The following CDH18 variants were observed in gnomAD, a reference collection of about 807,000 sequenced individuals.
The protein encoded by CDH18 is cadherin-18.
In CDH18, 31 loss-of-function variants were observed where a neutral mutation model predicts 67.9. The ratio of observed to expected loss-of-function variants is 0.46; its 90% CI spans 0.34 to 0.62. CDH18 has a LOEUF of 0.62. Ranked by LOEUF, CDH18 falls within the 20% of genes least tolerant of loss-of-function variation. The pLI, the probability that CDH18 is intolerant of heterozygous loss-of-function variation, is 0.01. For synonymous variants in CDH18, 362 were observed against 347.2 expected (o/e 1.04, Z -0.48); for missense variants, 890 against 975.5 (o/e 0.91, Z 1.17).
chr5:20,049,350 C>A (rs1741206363), intron 2 of CDH18, among the ~76,000 whole-genome samples: 1 of 151,412 alleles, frequency 6.6e-6, no homozygotes, highest in Non-Finnish European at 1.5e-5. Context: ...TGGAGCCTAC[C>A]AGAAGGTGGA....
intron 1 of CDH18, among the ~76,000 whole-genome samples, chr5:20,435,092 G>T (rs189645417): frequency 8.5e-4 from 129 of 152,154 alleles, no homozygotes; most frequent in Non-Finnish European, 1.5e-3. Flanking sequence ...ATGTGAAGAT[G>T]CAATTTAGAA....
intron 5 of CDH18, among the ~76,000 whole-genome samples, chr5:19,710,417 T>C (rs979220893): frequency 6.6e-6 from 1 of 152,172 alleles, no homozygotes; most frequent in African/African-American, 2.4e-5. Context: ...CTCAGTGAGC[T>C]TGCATTCCAG....
chr5:19,734,283 C>G (rs1170524237), intron 4 of CDH18, among the ~76,000 whole-genome samples: 1 of 152,162 alleles, frequency 6.6e-6, no homozygotes. Context: ...GTAAGTGTGG[C>G]TGGAATGCAT....
intron 2 of CDH18, among the ~76,000 whole-genome samples, chr5:20,075,037 T>C (rs1447369344): frequency 6.6e-6 from 1 of 152,118 alleles, no homozygotes; most frequent in Non-Finnish European, 1.5e-5. Flanking sequence ...TGAAGAAAAA[T>C]AAATCATTTG....
chr5:19,723,125 T>C (rs763606580), intron 4 of CDH18, among the ~76,000 whole-genome samples: 40 of 152,164 alleles, frequency 2.6e-4, no homozygotes, highest in Admixed American at 1.6e-3. Flanking sequence ...AAAAATTAGC[T>C]GGGCATGGCA....
chr5:19,695,622 C>T (rs1762442808), intron 5 of CDH18, among the ~76,000 whole-genome samples: 1 of 152,112 alleles, frequency 6.6e-6, no homozygotes, highest in African/African-American at 2.4e-5. Context: ...TTGTCCTTTA[C>T]AAAGTTTTCT....
chr5:19,579,204 T>C (rs894547015), intron 7 of CDH18, among the ~76,000 whole-genome samples: 1 of 151,958 alleles, frequency 6.6e-6, no homozygotes, highest in African/African-American at 2.4e-5. Flanking sequence ...TTTCTTTGTA[T>C]ATATTGTGAT....
In CDH18 at chr5:19,884,206, C is replaced by T. The variant is rs116575240; in HGVS notation, c.-256-44964G>A. Among the ~76,000 whole-genome samples, 633 of 152,140 alleles carry T rather than the reference C, an allele frequency of 4.2e-3. 2 individuals carry two copies. The highest frequency in any genetic ancestry group is 0.015 in the African/African-American group (603 of 41,530). ...CTAAAAAGTCTGAAAACAAATTTTG[C>T]GGCAAGGTCGCCTACTTCAGCTCAT... On this transcript the variant is annotated intron_variant, in intron 2 of 12. Coordinates refer to ENST00000382275, the MANE Select transcript of CDH18 (RefSeq NM_004934.5).
At chr5:20,503,261 C>T (rs1754451236) in intron 1 of CDH18, among the ~76,000 whole-genome samples, 1 of 149,750 alleles carries the variant, frequency 6.7e-6, no homozygotes, top group Non-Finnish European at 1.5e-5. Flanking sequence ...TACATTTTCC[C>T]AGCAATGACA....
rs142986920 is a variant in CDH18 at position 20,434,150 on chromosome 5, C to T, written c.-580+141312G>A. Among the ~76,000 whole-genome samples the T allele has an allele frequency of 3.7e-3, 569 of 152,154 alleles. 2 individuals carry two copies. Among genetic ancestry groups the T allele is most frequent in the Admixed American group, 6.1e-3 (93 of 15,242 alleles). ...ATAGCAACCTCAGTTGTGGGTAAGG[C>T]AGGTCCTACATCTGATATTGTTACA... On this transcript the variant is annotated intron_variant, in intron 1 of 14. Transcript: ENST00000507958.
chr5:20,531,726 TG>T (rs951263429), intron 1 of CDH18, among the ~76,000 whole-genome samples: 1 of 151,748 alleles, frequency 6.6e-6, no homozygotes, highest in Non-Finnish European at 1.5e-5. Context: ...CAAGCAACAA[TG>T]GGGCCTGTTG....
At chr5:19,667,588 C>G (rs1457872748) in intron 5 of CDH18, among the ~76,000 whole-genome samples, 2 of 150,286 alleles carry the variant, frequency 1.3e-5, no homozygotes, top group African/African-American at 2.4e-5. Context: ...GAGTAACATT[C>G]AAAGTAGTTA....
intron 2 of CDH18, among the ~76,000 whole-genome samples, chr5:20,206,532 A>G (rs150211507): frequency 6.6e-6 from 1 of 152,142 alleles, no homozygotes; most frequent in African/African-American, 2.4e-5. Context: ...ACAAGAAAAA[A>G]GAAAAGTATA....
chr5:19,606,752 A>G (rs946380241), intron 6 of CDH18, among the ~76,000 whole-genome samples: 12 of 151,890 alleles, frequency 7.9e-5, no homozygotes, highest in African/African-American at 2.4e-5. Context: ...GAAGTGAGAA[A>G]ATGAGGTCGA....
intron 2 of CDH18, among the ~76,000 whole-genome samples, chr5:20,255,170 G>T (rs1744138214): frequency 6.6e-6 from 1 of 151,898 alleles, no homozygotes; most frequent in African/African-American, 2.4e-5. Flanking sequence ...AAAACCACTG[G>T]GTACAATATC....
At chr5:20,233,897 T>G (rs1742273528) in intron 2 of CDH18, among the ~76,000 whole-genome samples, 1 of 152,158 alleles carries the variant, frequency 6.6e-6, no homozygotes, top group African/African-American at 2.4e-5. Context: ...GAATCAGATC[T>G]GGCTTATGGT....
At chr5:19,529,368 C>A (rs1468501253) in intron 9 of CDH18, among the ~76,000 whole-genome samples, 1 of 151,898 alleles carries the variant, frequency 6.6e-6, no homozygotes. Flanking sequence ...CTATGATCAC[C>A]CTTATCAGTG....
intron 1 of CDH18, among the ~76,000 whole-genome samples, chr5:20,516,874 A>G (rs144780514): frequency 6.6e-6 from 1 of 152,074 alleles, no homozygotes; most frequent in Non-Finnish European, 1.5e-5. Context: ...ATGTTGACAA[A>G]TTACGTGTTT....
intron 2 of CDH18, among the ~76,000 whole-genome samples, chr5:20,049,151 A>C (rs1185383451): frequency 1.3e-5 from 2 of 151,806 alleles, no homozygotes; most frequent in African/African-American, 4.8e-5. Context: ...TAAAATATAA[A>C]GAAATAACAG....
Sources: allele counts gnomAD v4.1 joint callset (sites outside exome capture counted in the v4.1 genomes callset), GRCh38; gene constraint gnomAD v4.1.1; transcripts MANE v1.5; gene names NCBI Gene and HGNC (gene_info 2026-07-23, HGNC 2026-07-21).